Variants in RIMS2 observed in about 807,000 individuals in gnomAD.
The protein encoded by RIMS2 is regulating synaptic membrane exocytosis protein 2.
A neutral mutation model predicts 174.4 loss-of-function variants in RIMS2; 59 were observed. That is an observed-to-expected ratio of 0.34 (90% CI 0.27 to 0.42). The LOEUF is 0.42. Ranked by LOEUF, RIMS2 falls within the 10% of genes least tolerant of loss-of-function variation. The pLI, the probability that RIMS2 is intolerant of heterozygous loss-of-function variation, is 1.00. For synonymous variants in RIMS2, 606 were observed against 572.5 expected, an observed-to-expected ratio of 1.06 and a Z score of -0.84; for missense variants, 1,620 against 1,666.3, an observed-to-expected ratio of 0.97 and a Z score of 0.48.
At chr8:103,694,748 C>T (rs1216216864) in intron 1 of RIMS2, among the ~76,000 whole-genome samples, 2 of 152,088 alleles carry the variant, frequency 1.3e-5, no homozygotes, top group Non-Finnish European at 2.9e-5. Flanking sequence ...AGGGTGCTAG[C>T]CTGATGATTG....
intron 14 of RIMS2, among the ~76,000 whole-genome samples, chr8:103,955,874 C>A (rs186273183): frequency 1.2e-4 from 18 of 152,264 alleles, no homozygotes; most frequent in Admixed American, 1.0e-3. Context: ...CCCAAAATCT[C>A]CTTAAGCTAA....
chr8:104,143,479 G>A (rs1337881259), intron 19 of RIMS2, among the ~76,000 whole-genome samples: 1 of 152,266 alleles, frequency 6.6e-6, no homozygotes, highest in East Asian at 1.9e-4. Flanking sequence ...GTGTGATGAA[G>A]TATGAGTTAT....
chr8:103,832,189 A>G (rs2098829962), intron 3 of RIMS2, among the ~76,000 whole-genome samples: 1 of 152,190 alleles, frequency 6.6e-6, no homozygotes, highest in South Asian at 2.1e-4. Flanking sequence ...TCACTTTAAG[A>G]GCATAATTGG....
intron 3 of RIMS2, among the ~76,000 whole-genome samples, chr8:103,883,916 C>A (rs764270957): frequency 8.6e-5 from 13 of 151,790 alleles, no homozygotes; most frequent in Non-Finnish European, 1.3e-4. Context: ...TTTCTAGTGT[C>A]CATTTTGAGA....
intron 2 of RIMS2, among the ~76,000 whole-genome samples, chr8:103,698,506 G>A (rs1260751564): frequency 6.6e-6 from 1 of 152,004 alleles, no homozygotes; most frequent in African/African-American, 2.4e-5. Flanking sequence ...TTAATCATAT[G>A]TTTTTTATTT....
At chr8:103,637,940 G>C (rs1234376252) in intron 1 of RIMS2, among the ~76,000 whole-genome samples, 1 of 152,130 alleles carries the variant, frequency 6.6e-6, no homozygotes, top group East Asian at 1.9e-4. Context: ...CAGAAAAAGA[G>C]TGTTCCCTAA....
chr8:104,151,230 T>C (rs2098687132), intron 19 of RIMS2, among the ~76,000 whole-genome samples: 1 of 152,176 alleles, frequency 6.6e-6, no homozygotes, highest in Non-Finnish European at 1.5e-5. Context: ...ATTTCTGACT[T>C]GCATCACTGA....
chr8:103,789,998 G>A (rs1195319739), intron 3 of RIMS2, among the ~76,000 whole-genome samples: 1 of 152,190 alleles, frequency 6.6e-6, no homozygotes, highest in African/African-American at 2.4e-5. Context: ...CTGAGCTCAA[G>A]TGATCCTCCT....
At chr8:103,844,095 T>C (rs1306887678) in intron 3 of RIMS2, among the ~76,000 whole-genome samples, 1 of 152,210 alleles carries the variant, frequency 6.6e-6, no homozygotes, top group Non-Finnish European at 1.5e-5. Flanking sequence ...CCTCCTTGCC[T>C]TCTGCCACGA....
chr8:103,888,254 A>G (rs1217752408), intron 4 of RIMS2, among the ~76,000 whole-genome samples: 3 of 151,612 alleles, frequency 2.0e-5, no homozygotes, highest in Admixed American at 6.6e-5. Flanking sequence ...ATGAAGTTTT[A>G]AAAAATCACA....
At chr8:103,526,101 G>A (rs1833868783) in intron 1 of RIMS2, among the ~76,000 whole-genome samples, 1 of 152,154 alleles carries the variant, frequency 6.6e-6, no homozygotes, top group South Asian at 2.1e-4. Context: ...CTCATGGGGT[G>A]GGGCTAATGG....
intron 1 of RIMS2, among the ~76,000 whole-genome samples, chr8:103,542,305 C>G (rs1563707008): frequency 6.6e-6 from 1 of 152,014 alleles, no homozygotes; most frequent in African/African-American, 2.4e-5. Flanking sequence ...AATAGAAAAG[C>G]TAAACAGATC....
chr8:103,583,113 G>A (rs1588250964), intron 1 of RIMS2, among the ~76,000 whole-genome samples: 1 of 152,068 alleles, frequency 6.6e-6, no homozygotes, highest in East Asian at 1.9e-4. Context: ...TTATGTTTGG[G>A]AGAAAGACAA....
intron 3 of RIMS2, among the ~76,000 whole-genome samples, chr8:103,840,671 T>TATATACG (rs1311593154): frequency 6.6e-6 from 1 of 152,024 alleles, no homozygotes; most frequent in Admixed American, 6.6e-5. Context: ...TCCTATATAC[T>TATATACG]ATATACGATA....
chr8:103,876,836 ATG>A (rs2099139730), intron 3 of RIMS2, among the ~76,000 whole-genome samples: 1 of 132,786 alleles, frequency 7.5e-6, no homozygotes, highest in Non-Finnish European at 1.7e-5. Flanking sequence ...GTATATATAT[ATG>A]TGTATATATA....
intron 19 of RIMS2, among the ~76,000 whole-genome samples, chr8:104,147,419 TA>T (rs35495442): frequency 0.041 from 6,292 of 152,224 alleles, 297 homozygotes; most frequent in East Asian, 0.15. Context: ...CATAGGTTAA[TA>T]AAAGTAATAT....
chr8:103,752,779 A>G (rs1305541698), intron 2 of RIMS2, among the ~76,000 whole-genome samples: 2 of 152,160 alleles, frequency 1.3e-5, no homozygotes, highest in Admixed American at 6.5e-5. Context: ...TTGTACATTG[A>G]TTTTGTATCC....
At chr8:103,930,385 C>A (rs1300266496) in intron 11 of RIMS2, among the ~76,000 whole-genome samples, 2 of 151,910 alleles carry the variant, frequency 1.3e-5, no homozygotes, top group Non-Finnish European at 2.9e-5. Flanking sequence ...AATTTCTGTC[C>A]ATTTCAGTCT....
At chr8:103,582,536 C>A (rs1440641954) in intron 1 of RIMS2, among the ~76,000 whole-genome samples, 3 of 152,176 alleles carry the variant, frequency 2.0e-5, no homozygotes, top group Non-Finnish European at 4.4e-5. Flanking sequence ...CTGGATGTGT[C>A]CTGGGCCAGA....
Sources: allele counts gnomAD v4.1 joint callset (sites outside exome capture counted in the v4.1 genomes callset), GRCh38; gene constraint gnomAD v4.1.1; transcripts MANE v1.5; gene names NCBI Gene and HGNC (gene_info 2026-07-23, HGNC 2026-07-21).